The following MEGF11 variants were observed in gnomAD, a reference collection of about 807,000 sequenced individuals.
The protein encoded by MEGF11 is multiple epidermal growth factor-like domains protein 11.
MEGF11 carries 126 observed loss-of-function variants against 146.6 expected under a neutral mutation model. The ratio of observed to expected loss-of-function variants is 0.86; its 90% CI spans 0.74 to 1.00. MEGF11 has a LOEUF of 1.00. Ranked by LOEUF, MEGF11 falls within the 50% of genes least tolerant of loss-of-function variation. The pLI is 0.00. For synonymous variants in MEGF11, 532 were observed against 583.4 expected, an observed-to-expected ratio of 0.91 and a Z score of 1.27; for missense variants, 1,509 against 1,521.2, an observed-to-expected ratio of 0.99 and a Z score of 0.13.
intron 23 of MEGF11, among the ~76,000 whole-genome samples, chr15:65,907,624 ATAGGTACC>A: frequency 6.6e-6 from 1 of 152,346 alleles, no homozygotes; most frequent in East Asian, 1.9e-4. Flanking sequence ...TGAGAGGCTT[ATAGGTACC>A]TGTGTCCTTC....
At chr15:65,965,305 T>A (rs1444600044) in intron 8 of MEGF11, 185 bp from the exon 9 acceptor site, 5 of 521,326 alleles carry the variant, frequency 9.6e-6, no homozygotes, top group African/African-American at 1.9e-5. Context: ...TTCGCCCCAG[T>A]CATTTCTGCC....
chr15:66,184,868 G>A (rs1276771778), intron 1 of MEGF11, among the ~76,000 whole-genome samples: 4 of 150,316 alleles, frequency 2.7e-5, no homozygotes, highest in South Asian at 4.2e-4. Flanking sequence ...GACTCTCCCC[G>A]CCTGCTTCCC....
intron 1 of MEGF11, among the ~76,000 whole-genome samples, chr15:66,173,473 G>A (rs1165917009): frequency 6.6e-6 from 1 of 152,024 alleles, no homozygotes; most frequent in African/African-American, 2.4e-5. Flanking sequence ...CCGCCACCAT[G>A]CCCTACTAAT....
rs747064732 is a variant in MEGF11 at position 65,898,023 on chromosome 15, G to A, written c.3334C>T (p.Pro1112Ser). ...SSYIQNAYDL[P>S]RNSHIPGHYD... ...TGACCAGGAATATGGCTGTTCCTAG[G>A]TAGGTCGTATGCATTCTGGATATAG... The change falls in exon 26 of 26, where the codon CCT (proline) becomes TCT (serine). Residue 1112 changes from proline to serine, a missense_variant. Coordinates refer to ENST00000395614, the MANE Select transcript of MEGF11 (RefSeq NM_001385028.1). 6.8e-5 allele frequency: 109 copies of A among 1,613,992 alleles called. No individual in the cohort carries two copies. The East Asian group carries it at 1.8e-3, about 26-fold the overall frequency.
intron 4 of MEGF11, among the ~76,000 whole-genome samples, chr15:66,105,791 A>G (rs2087043513): frequency 6.6e-6 from 1 of 152,140 alleles, no homozygotes; most frequent in African/African-American, 2.4e-5. Context: ...CTTGCTGTTG[A>G]TTTCCTATCA....
intron 19 of MEGF11, among the ~76,000 whole-genome samples, chr15:65,914,384 A>G (rs1372830256): frequency 2.0e-5 from 3 of 152,168 alleles, no homozygotes; most frequent in Non-Finnish European, 4.4e-5. Flanking sequence ...GGAAAAATTG[A>G]ACACAGCTCC....
At chr15:65,902,563 G>A (rs537244764) in intron 24 of MEGF11, 19 of 152,316 alleles carry the variant, frequency 1.2e-4, no homozygotes, top group African/African-American at 3.9e-4. Flanking sequence ...GCAGGGTTGA[G>A]TGGAAGAATA....
chr15:66,113,880 C>CA (rs112279785), intron 4 of MEGF11, among the ~76,000 whole-genome samples: 24,699 of 137,872 alleles, frequency 0.18, 2,156 homozygotes, highest in African/African-American at 0.23. Context: ...AACTCTGTCT[C>CA]AAAAAAAAAA....
At chr15:66,119,651 T>C (rs1045834263) in intron 3 of MEGF11, among the ~76,000 whole-genome samples, 1 of 149,126 alleles carries the variant, frequency 6.7e-6, no homozygotes, top group Non-Finnish European at 1.5e-5. Flanking sequence ...CTTGAAGAAC[T>C]GAGGCAGAGT....
intron 5 of MEGF11, among the ~76,000 whole-genome samples, chr15:66,084,920 G>T (rs1029376713): frequency 2.0e-5 from 3 of 152,148 alleles, no homozygotes; most frequent in African/African-American, 7.2e-5. Flanking sequence ...AGCCCATTTT[G>T]CCCTACACCT....
chr15:66,198,342 T>C (rs78638359), intron 1 of MEGF11, among the ~76,000 whole-genome samples: 3,991 of 152,332 alleles, frequency 0.026, 102 homozygotes, highest in South Asian at 0.1. Context: ...TTGTCCCTCA[T>C]CTACCATTTC....
intron 1 of MEGF11, among the ~76,000 whole-genome samples, chr15:66,146,270 A>T (rs2089367723): frequency 6.6e-6 from 1 of 151,998 alleles, no homozygotes; most frequent in African/African-American, 2.4e-5. Context: ...ATCCTCATTC[A>T]CCTCCAGCGG....
At chr15:66,071,481 T>C (rs2085363061) in intron 5 of MEGF11, among the ~76,000 whole-genome samples, 1 of 152,258 alleles carries the variant, frequency 6.6e-6, no homozygotes, top group Non-Finnish European at 1.5e-5. Flanking sequence ...GTGGCCCTGC[T>C]AATCTTTATT....
At chr15:66,199,831 G>A (rs1428502847) in intron 1 of MEGF11, among the ~76,000 whole-genome samples, 1 of 151,884 alleles carries the variant, frequency 6.6e-6, no homozygotes, top group Non-Finnish European at 1.5e-5. Flanking sequence ...TGCTAACAAT[G>A]TAAAAAAAGT....
At position 66,236,868 on chromosome 15, in the gene MEGF11, G is replaced by A. The variant is rs1025827632; in HGVS notation, c.-9+16737C>T. On this transcript the variant is annotated intron_variant, in intron 1 of 25. Coordinates refer to ENST00000395614, the MANE Select transcript of MEGF11 (RefSeq NM_001385028.1). ...GCAGAGGAGCTGAGCCAAGATGGGCGGCCCGCTGTAACACCCCGGGAAGAA... is the reference window on the plus strand; with the variant it reads ...GCAGAGGAGCTGAGCCAAGATGGGCAGCCCGCTGTAACACCCCGGGAAGAA... 3.3e-5 allele frequency among the ~76,000 whole-genome samples: 5 copies of A among 152,120 alleles called. No homozygotes were observed. The South Asian group carries it at 6.2e-4, about 19-fold the overall frequency.
intron 1 of MEGF11, among the ~76,000 whole-genome samples, chr15:66,171,161 T>G (rs28433780): frequency 0.03 from 4,626 of 152,292 alleles, 261 homozygotes; most frequent in African/African-American, 0.11. Flanking sequence ...CTGTGGCTCT[T>G]GTTGGAGTCA....
At chr15:66,081,124 G>A (rs973188330) in intron 5 of MEGF11, among the ~76,000 whole-genome samples, 10 of 152,178 alleles carry the variant, frequency 6.6e-5, no homozygotes, top group Non-Finnish European at 1.2e-4. Flanking sequence ...TGGAGGGGGC[G>A]AGGATGTGAT....
Position 66,164,408 on chromosome 15 carries a change from T to A in MEGF11, c.-8-35997A>T, listed in dbSNP as rs577085187. Among the ~76,000 whole-genome samples the A allele has an allele frequency of 5.3e-5, 8 of 152,246 alleles. No individual in the cohort carries two copies. In the South Asian group the frequency reaches 1.7e-3, roughly 32 times the overall value. ...CATCACAGGTCTTTCTTCTTGAGAA[T>A]AGGGTAGTGGAGAGAATATTAAACC... On this transcript the variant is annotated intron_variant, in intron 1 of 25. Transcript: ENST00000395614.
At chr15:65,917,283 T>G (rs530491396) in intron 16 of MEGF11, among the ~76,000 whole-genome samples, 2 of 152,230 alleles carry the variant, frequency 1.3e-5, no homozygotes, top group African/African-American at 4.8e-5. Context: ...TTACCGTGTA[T>G]GTACTGTGTG....
Sources: gnomAD v4.1 joint callset for allele counts (sites outside exome capture counted in the v4.1 genomes callset) on GRCh38, gnomAD v4.1.1 for gene constraint, MANE v1.5 for transcripts, NCBI Gene and HGNC (gene_info 2026-07-23, HGNC 2026-07-21) for gene names.